TMCC2: variants seen among roughly 807,000 people sequenced by gnomAD.
TMCC2 encodes transmembrane and coiled-coil domains protein 2.
TMCC2 carries 16 observed loss-of-function variants against 49.4 expected under a neutral mutation model. The observed-to-expected ratio is 0.32, with a 90% CI of 0.22 to 0.49. The LOEUF is 0.49. Among genes scored for constraint, TMCC2 ranks in the 20% least tolerant of loss-of-function variants. The probability of loss-of-function intolerance (pLI) is 0.99; values close to 1 mark genes in which losing one functional copy is unlikely to be tolerated. For synonymous variants in TMCC2, 397 were observed against 434.1 expected (o/e 0.91, Z 1.06); for missense variants, 762 against 989.8 (o/e 0.77, Z 3.09).
chr1:205,257,228 C>G, intron 2 of TMCC2: 1 of 1,232,420 alleles, frequency 8.1e-7, no homozygotes, highest in African/African-American at 1.5e-5. Flanking sequence ...AGTCTGGGAA[C>G]TCAGGCACAC....
chr1:205,259,965 C>T (rs1311804939), intron 2 of TMCC2, among the ~76,000 whole-genome samples: 1 of 152,142 alleles, frequency 6.6e-6, no homozygotes, highest in African/African-American at 2.4e-5. Context: ...CTGGCTTATC[C>T]AGACATTTGT....
Position 205,234,400 on chromosome 1 carries a change from C to T in TMCC2, c.207+5629C>T, listed in dbSNP as rs560731103. 2.9e-4 allele frequency among the ~76,000 whole-genome samples: 44 copies of T among 152,030 alleles called. 1 individual carries two copies. In the South Asian group the frequency reaches 9.0e-3, roughly 31 times the overall value. On this transcript the variant is annotated intron_variant, in intron 1 of 4. Coordinates refer to ENST00000358024, the MANE Select transcript of TMCC2 (RefSeq NM_014858.4). Reference sequence around the variant, plus strand: ...GGCGGAGGTTGCAGTGAGCCGAGATCGTGCCACTGCACTCCAGCCTGGGCG... The same window carrying T: ...GGCGGAGGTTGCAGTGAGCCGAGATTGTGCCACTGCACTCCAGCCTGGGCG...
At chr1:205,270,057 A>AT (rs35344321) in intron 3 of TMCC2, among the ~76,000 whole-genome samples, 173 bp downstream of exon 3, 37,608 of 151,680 alleles carry the variant, frequency 0.25, 6,168 homozygotes, top group Non-Finnish European at 0.36. Flanking sequence ...TTCCTTCTGT[A>AT]TTTTTTGGAG....
chr1:205,256,879 G>A, intron 2 of TMCC2, among the ~76,000 whole-genome samples: 1 of 152,192 alleles, frequency 6.6e-6, no homozygotes, highest in East Asian at 1.9e-4. Context: ...TGGGAGGGGT[G>A]AGGTGGAGTG....
At chr1:205,249,022 G>C (rs1660563183) in intron 2 of TMCC2, among the ~76,000 whole-genome samples, 1 of 152,196 alleles carries the variant, frequency 6.6e-6, no homozygotes, top group South Asian at 2.1e-4. Context: ...AGGAGACTCT[G>C]TGGAGGTGCT....
intron 2 of TMCC2, chr1:205,256,268 C>T: frequency 2.6e-6 from 4 of 1,540,668 alleles, no homozygotes; most frequent in East Asian, 2.4e-5. Flanking sequence ...TTAGAGAGAT[C>T]CAGCAGGCCC....
intron 2 of TMCC2, among the ~76,000 whole-genome samples, chr1:205,255,850 T>TC (rs1190010550): frequency 1.3e-5 from 2 of 152,250 alleles, no homozygotes; most frequent in African/African-American, 4.8e-5. Flanking sequence ...AAAGTCAAGA[T>TC]CCAGTACCAT....
chr1:205,229,398 A>G (rs1245854350), intron 1 of TMCC2, among the ~76,000 whole-genome samples: 1 of 151,720 alleles, frequency 6.6e-6, no homozygotes, highest in Non-Finnish European at 1.5e-5. Flanking sequence ...CATGTTGGCC[A>G]GGCTGGTCTT....
chr1:205,230,924 A>G (rs1659765773), intron 1 of TMCC2, among the ~76,000 whole-genome samples: 1 of 151,238 alleles, frequency 6.6e-6, no homozygotes, highest in African/African-American at 2.4e-5. Flanking sequence ...ACTGCCCTCA[A>G]CCAGAATTGA....
chr1:205,233,045 A>T (rs1251601659), intron 1 of TMCC2, among the ~76,000 whole-genome samples: 2 of 146,538 alleles, frequency 1.4e-5, no homozygotes, highest in East Asian at 4.1e-4. Context: ...GAGGCCCAGG[A>T]TGAGTGGCCA....
At chr1:205,240,686 C>T (rs1213518852) in intron 1 of TMCC2, among the ~76,000 whole-genome samples, 1 of 152,226 alleles carries the variant, frequency 6.6e-6, no homozygotes, top group African/African-American at 2.4e-5. Context: ...GCTCCACCAT[C>T]TGTGTGCAGA....
intron 1 of TMCC2, 36 bp downstream of exon 1, chr1:205,228,807 G>A (rs749753239): frequency 2.6e-6 from 4 of 1,553,028 alleles, no homozygotes; most frequent in East Asian, 2.4e-5. Flanking sequence ...AGCCCAGCCC[G>A]CGACTTAGCT....
chr1:205,253,177 G>A (rs1660735841), intron 2 of TMCC2, among the ~76,000 whole-genome samples: 1 of 151,936 alleles, frequency 6.6e-6, no homozygotes, highest in Non-Finnish European at 1.5e-5. Context: ...TAAAAGGGCA[G>A]TGGGGAGAGA....
In TMCC2 at chr1:205,258,359, C is replaced by A. The variant is rs184099730; in HGVS notation, c.748-10591C>A. ...GGGCCTTGCTACAGGGGTTTTGTCACCCCCTTGTGCCCATGGTGAACTGAC... is the reference window on the plus strand; with the variant it reads ...GGGCCTTGCTACAGGGGTTTTGTCAACCCCTTGTGCCCATGGTGAACTGAC... On this transcript the variant is annotated intron_variant, in intron 2 of 4. Coordinates refer to ENST00000358024, the MANE Select transcript of TMCC2 (RefSeq NM_014858.4). Among the ~76,000 whole-genome samples, 234 of 152,286 alleles carry A rather than the reference C, an allele frequency of 1.5e-3. 1 individual carries two copies. The highest frequency in any genetic ancestry group is 2.9e-3 in the Non-Finnish European group (200 of 68,020).
rs745348529 is a variant in TMCC2, at chr1:205,271,126, G to A, written c.1689G>A (p.Glu563=). 1 of 1,612,670 alleles carries A rather than the reference G, an allele frequency of 6.2e-7. No individual in the cohort carries two copies. Among genetic ancestry groups the A allele is most frequent in the Non-Finnish European group, 8.5e-7 (1 of 1,180,020 alleles). Residue 563 remains glutamate, a synonymous_variant, in exon 4 of 5, where the codon GAG becomes GAA. Transcript: ENST00000358024. The part of the protein sequence containing the change: ...QCLQEERYRY[E]RLEEQLNDLT... ...CTCTCTCTCCCTCCGCCAGGTACGAGCGGCTGGAGGAGCAGCTCAACGACC... is the reference window on the plus strand; with the variant it reads ...CTCTCTCTCCCTCCGCCAGGTACGAACGGCTGGAGGAGCAGCTCAACGACC...
At chr1:205,229,548 GGGGGGGGGGGTGGTGGCGGGGGC>G (rs1659701399) in intron 1 of TMCC2, 1 of 379,970 alleles carries the variant, frequency 2.6e-6, no homozygotes, top group Non-Finnish European at 3.3e-6. Context: ...GAAGGGGCGG[GGGGGGGGGGGTGGTGGCGGGGGC>G]GGGGGGGGAA....
chr1:205,251,492 A>T (rs577470992), intron 2 of TMCC2, among the ~76,000 whole-genome samples: 1 of 152,194 alleles, frequency 6.6e-6, no homozygotes, highest in South Asian at 2.1e-4. Flanking sequence ...GCTAGTGTCC[A>T]TAGCTAGTGA....
chr1:205,241,304 T>G lies in TMCC2; in HGVS notation c.208-201T>G, dbSNP rs1660252737. Among the ~76,000 whole-genome samples the G allele has an allele frequency of 6.6e-6, 1 of 152,180 alleles. No homozygotes were observed. Among genetic ancestry groups the G allele is most frequent in the Non-Finnish European group, 1.5e-5 (1 of 68,030 alleles). On this transcript the variant is annotated intron_variant, in intron 1 of 4. Transcript: ENST00000358024. This position sits in a 1 kb window ranked among gnomAD's most constrained non-coding sequence, Gnocchi z 7.3. Reference sequence around the variant, plus strand: ...CCGTGGGGGCACACTTCTTTCGGAATGAAAGGATGGGTCTGGGTTGCCACC... The same window carrying G: ...CCGTGGGGGCACACTTCTTTCGGAAGGAAAGGATGGGTCTGGGTTGCCACC...
At chr1:205,261,679 A>T (rs1661120857) in intron 2 of TMCC2, among the ~76,000 whole-genome samples, 1 of 81,638 alleles carries the variant, frequency 1.2e-5, no homozygotes, top group Non-Finnish European at 3.7e-5. Flanking sequence ...AACCCGTCTC[A>T]AAAAAAAAAA....
Sources: allele counts gnomAD v4.1 joint callset (sites outside exome capture counted in the v4.1 genomes callset), GRCh38; gene constraint gnomAD v4.1.1; non-coding constraint Gnocchi (gnomAD v3.1); transcripts MANE v1.5; gene names NCBI Gene and HGNC (gene_info 2026-07-23, HGNC 2026-07-21).